Variants in RBFOX1 observed in about 807,000 individuals in gnomAD.
RBFOX1 encodes the protein RNA binding protein fox-1 homolog 1.
RBFOX1 carries 8 observed loss-of-function variants against 57.7 expected under a neutral mutation model. The ratio of observed to expected loss-of-function variants is 0.14; its 90% confidence interval spans 0.08 to 0.25. The LOEUF is 0.25. Among genes scored for constraint, RBFOX1 ranks in the 10% least tolerant of loss-of-function variants. RBFOX1 has a pLI of 1.00. For synonymous variants in RBFOX1, 326 were observed against 222.4 expected (o/e 1.47, Z -4.15); for missense variants, 611 against 548.5 (o/e 1.11, Z -1.14).
chr16:5,500,792 A>T (rs1220578352), intron 2 of RBFOX1, among the ~76,000 whole-genome samples: 2 of 152,108 alleles, frequency 1.3e-5, no homozygotes, highest in Non-Finnish European at 2.9e-5. Flanking sequence ...CACACAGTTG[A>T]CTCAGAGGCT....
chr16:7,659,972 C>T (rs2067286273), intron 12 of RBFOX1, among the ~76,000 whole-genome samples: 1 of 152,046 alleles, frequency 6.6e-6, no homozygotes, highest in Non-Finnish European at 1.5e-5. Context: ...GTTTCTGATC[C>T]CCCCAATATC....
At chr16:5,316,549 G>A (rs1379898581) in intron 1 of RBFOX1, among the ~76,000 whole-genome samples, 1 of 152,194 alleles carries the variant, frequency 6.6e-6, no homozygotes, top group African/African-American at 2.4e-5. Context: ...ACCAATAACT[G>A]GGGGACATTG....
chr16:5,511,362 C>A (rs1300533723), intron 2 of RBFOX1, among the ~76,000 whole-genome samples: 3 of 152,158 alleles, frequency 2.0e-5, no homozygotes, highest in East Asian at 1.9e-4. Flanking sequence ...GTTTTCTCTG[C>A]AGGGATGGTG....
intron 3 of RBFOX1, among the ~76,000 whole-genome samples, chr16:6,972,843 G>A (rs1446615176): frequency 6.6e-6 from 1 of 152,160 alleles, no homozygotes; most frequent in Non-Finnish European, 1.5e-5. Context: ...GAGACAAGGG[G>A]CCGGATGCAG....
chr16:5,551,861 A>C (rs945707044), intron 2 of RBFOX1, among the ~76,000 whole-genome samples: 95 of 148,234 alleles, frequency 6.4e-4, no homozygotes, highest in Non-Finnish European at 4.5e-5. Flanking sequence ...TCGTTGTTCA[A>C]CTCCCACTTA....
chr16:5,639,429 A>C (rs772820226), intron 3 of RBFOX1, among the ~76,000 whole-genome samples: 1 of 152,212 alleles, frequency 6.6e-6, no homozygotes, highest in Non-Finnish European at 1.5e-5. Context: ...GGGAGGTTCA[A>C]CAGAAGTCTT....
chr16:5,636,282 A>C (rs565491041), intron 3 of RBFOX1, among the ~76,000 whole-genome samples: 1 of 152,318 alleles, frequency 6.6e-6, no homozygotes, highest in African/African-American at 2.4e-5. Flanking sequence ...CGGGAGGTGG[A>C]AGTTGCAGTG....
At chr16:6,832,535 C>T (rs986122031) in intron 3 of RBFOX1, among the ~76,000 whole-genome samples, 1 of 152,116 alleles carries the variant, frequency 6.6e-6, no homozygotes, top group African/African-American at 2.4e-5. Context: ...ATGCCTCTTG[C>T]TTAGTATGAA....
intron 4 of RBFOX1, among the ~76,000 whole-genome samples, chr16:7,343,066 G>A (rs552383169): frequency 3.9e-5 from 6 of 152,214 alleles, no homozygotes; most frequent in East Asian, 3.9e-4. Flanking sequence ...TGTCCCCTCC[G>A]TTCCATGTGG....
In RBFOX1 at chr16:6,605,837, C is replaced by G. The variant is rs111906079; in HGVS notation, c.-63-48766C>G. 9.4e-3 allele frequency among the ~76,000 whole-genome samples: 1,424 copies of G among 152,278 alleles called. 26 individuals carry two copies. Among genetic ancestry groups the G allele is most frequent in the African/African-American group, 0.032 (1,325 of 41,554 alleles). On this transcript the variant is annotated intron_variant, in intron 2 of 15. Coordinates refer to ENST00000550418, the MANE Select transcript of RBFOX1 (RefSeq NM_018723.4). ...CATCCTGGCAGGCCACAGTGGCTCACTCCTGTAATCCCAGCACTCTAGGAG... is the reference window on the plus strand; with the variant it reads ...CATCCTGGCAGGCCACAGTGGCTCAGTCCTGTAATCCCAGCACTCTAGGAG...
At chr16:5,794,672 G>A (rs2054817233) in intron 3 of RBFOX1, among the ~76,000 whole-genome samples, 1 of 152,146 alleles carries the variant, frequency 6.6e-6, no homozygotes, top group Non-Finnish European at 1.5e-5. Flanking sequence ...CGGCCCAGCA[G>A]GAGGGGAGCC....
At chr16:5,625,075 C>G (rs867914249) in intron 3 of RBFOX1, among the ~76,000 whole-genome samples, 1 of 152,180 alleles carries the variant, frequency 6.6e-6, no homozygotes, top group Non-Finnish European at 1.5e-5. Flanking sequence ...GATTCAGGGA[C>G]ATTGCACAGA....
chr16:5,897,212 T>G (rs1191454084), intron 4 of RBFOX1, among the ~76,000 whole-genome samples: 1 of 151,652 alleles, frequency 6.6e-6, no homozygotes, highest in Non-Finnish European at 1.5e-5. Flanking sequence ...ATTTTTTCTA[T>G]TTTTAGTAGA....
chr16:6,163,950 T>G (rs1368563304), intron 1 of RBFOX1, among the ~76,000 whole-genome samples: 1 of 152,238 alleles, frequency 6.6e-6, no homozygotes, highest in African/African-American at 2.4e-5. Flanking sequence ...TGTTATGGGA[T>G]ACATATAGTA....
intron 1 of RBFOX1, among the ~76,000 whole-genome samples, chr16:6,272,321 C>G (rs1220950506): frequency 1.3e-5 from 2 of 152,176 alleles, no homozygotes; most frequent in Non-Finnish European, 2.9e-5. Context: ...CTACCAAACA[C>G]CTACAGCTGA....
At chr16:6,622,970 T>C (rs1196842410) in intron 2 of RBFOX1, among the ~76,000 whole-genome samples, 1 of 152,222 alleles carries the variant, frequency 6.6e-6, no homozygotes, top group Non-Finnish European at 1.5e-5. Context: ...CTCTTTGACA[T>C]CCTTGGGCAA....
At chr16:5,949,792 C>T (rs1355929493) in intron 4 of RBFOX1, among the ~76,000 whole-genome samples, 1 of 152,128 alleles carries the variant, frequency 6.6e-6, no homozygotes, top group Non-Finnish European at 1.5e-5. Context: ...TTGGCCTCAT[C>T]CCAAGCCTAT....
chr16:5,431,317 T>C (rs2067726596), intron 1 of RBFOX1, among the ~76,000 whole-genome samples: 1 of 152,220 alleles, frequency 6.6e-6, no homozygotes, highest in Admixed American at 6.5e-5. Context: ...GCAGAAATAC[T>C]TGGTAAAATT....
At chr16:7,111,584 A>G (rs2064783886) in intron 4 of RBFOX1, among the ~76,000 whole-genome samples, 1 of 152,104 alleles carries the variant, frequency 6.6e-6, no homozygotes, top group Non-Finnish European at 1.5e-5. Context: ...TGTGTTTTAA[A>G]CCAGATAAAG....
Sources: allele counts gnomAD v4.1 joint callset (sites outside exome capture counted in the v4.1 genomes callset), GRCh38; gene constraint gnomAD v4.1.1; transcripts MANE v1.5; gene names NCBI Gene and HGNC (gene_info 2026-07-23, HGNC 2026-07-21).